FGGY: variants seen among roughly 807,000 people sequenced by gnomAD.
FGGY encodes FGGY carbohydrate kinase domain containing, also known as FGGY carbohydrate kinase domain-containing protein.
In FGGY, 72 loss-of-function variants were observed where a neutral mutation model predicts 71.3. The ratio of observed to expected loss-of-function variants is 1.01; its 90% CI spans 0.84 to 1.23. The LOEUF (loss-of-function observed/expected upper bound fraction) is 1.23. Among genes scored for constraint, FGGY ranks in the 50% most tolerant of loss-of-function variants. The pLI is 0.00. For missense variants in FGGY, 668 were observed against 682.3 expected (o/e 0.98, Z 0.23); for synonymous variants, 251 against 250.3 (o/e 1.00, Z -0.02).
chr1:59,609,134 T>C (rs552633290), intron 9 of FGGY, among the ~76,000 whole-genome samples: 1 of 152,168 alleles, frequency 6.6e-6, no homozygotes, highest in East Asian at 1.9e-4. Flanking sequence ...GAAACTTGTA[T>C]GGGAAAAAAG....
At chr1:59,460,851 T>TAA (rs2092135803) in intron 6 of FGGY, among the ~76,000 whole-genome samples, 1 of 152,180 alleles carries the variant, frequency 6.6e-6, no homozygotes, top group Non-Finnish European at 1.5e-5. Context: ...ACCTGGCTGT[T>TAA]AGAAGGAACT....
chr1:59,430,449 G>A (rs140124152), intron 5 of FGGY, among the ~76,000 whole-genome samples: 10 of 152,248 alleles, frequency 6.6e-5, no homozygotes, highest in Non-Finnish European at 1.5e-4. Context: ...AGACATGAAT[G>A]TCTTTTGCAG....
At chr1:59,694,503 G>C (rs763440626) in intron 14 of FGGY, among the ~76,000 whole-genome samples, 25 of 151,906 alleles carry the variant, frequency 1.6e-4, no homozygotes, top group Non-Finnish European at 2.8e-4. Flanking sequence ...CTGATCCTTG[G>C]CTATGAAGTT....
rs137934650 is a variant in FGGY, at chr1:59,451,380, G to GTTT, written c.555-5573_555-5571dup. Among the ~76,000 whole-genome samples, 186 of 146,626 alleles carry GTTT rather than the reference G, an allele frequency of 1.3e-3. 2 individuals are homozygous for GTTT. Among genetic ancestry groups the GTTT allele is most frequent in the African/African-American group, 4.5e-3 (180 of 40,332 alleles). On this transcript the variant is annotated intron_variant, in intron 5 of 15. Transcript: ENST00000303721. ...TACTAAGTTTTTTTTGTTGTTGTTT[G>GTTT]TTTTTTTTTTGTAGAACAGCAAGCC...
intron 8 of FGGY, among the ~76,000 whole-genome samples, chr1:59,587,629 C>T (rs371963466): frequency 7.2e-5 from 11 of 152,170 alleles, no homozygotes; most frequent in South Asian, 4.1e-4. Context: ...CAGCTGCATT[C>T]GCGGTTCACG....
intron 5 of FGGY, among the ~76,000 whole-genome samples, chr1:59,394,813 G>A (rs1422661224): frequency 1.3e-5 from 2 of 151,964 alleles, no homozygotes; most frequent in Admixed American, 1.3e-4. Flanking sequence ...CAGAAAATTG[G>A]TGATATTTTC....
At chr1:59,376,958 T>G (rs544855210) in intron 4 of FGGY, among the ~76,000 whole-genome samples, 1 of 152,336 alleles carries the variant, frequency 6.6e-6, no homozygotes, top group South Asian at 2.1e-4. Flanking sequence ...TCACCTCCAG[T>G]TCCATTCATA....
At position 59,455,675 on chromosome 1, in the gene FGGY, G is replaced by A. The variant is rs146035667; in HGVS notation, c.555-1286G>A. 2.8e-3 allele frequency among the ~76,000 whole-genome samples: 434 copies of A among 152,340 alleles called. 3 individuals are homozygous for A. The highest frequency in any genetic ancestry group is 0.01 in the African/African-American group (416 of 41,574). On this transcript the variant is annotated intron_variant, in intron 5 of 15. Coordinates refer to ENST00000303721, the MANE Select transcript of FGGY (RefSeq NM_018291.5). ...TATAAGGCAATAAGACTGTAGGGGAGCAATATGAAGAAGCAGTTACTTACC... is the reference window on the plus strand; with the variant it reads ...TATAAGGCAATAAGACTGTAGGGGAACAATATGAAGAAGCAGTTACTTACC...
chr1:59,697,541 G>C (rs1272579715), intron 14 of FGGY: 1 of 530,702 alleles, frequency 1.9e-6, no homozygotes, highest in African/African-American at 2.0e-5. Context: ...CTTCCTTCTT[G>C]GTTGTATTCT....
At chr1:59,587,378 AC>A (rs1046939751) in intron 8 of FGGY, among the ~76,000 whole-genome samples, 2 of 152,084 alleles carry the variant, frequency 1.3e-5, no homozygotes, top group African/African-American at 4.8e-5. Context: ...GAACAGACAA[AC>A]AAAAAGACAG....
chr1:59,302,912 T>C lies in FGGY; in HGVS notation c.-15+5762T>C, dbSNP rs1319576401. Among the ~76,000 whole-genome samples the C allele has an allele frequency of 2.6e-5, 4 of 152,182 alleles. No homozygotes were observed. The East Asian group carries it at 5.8e-4, about 22-fold the overall frequency. On this transcript the variant is annotated intron_variant, in intron 1 of 15. Coordinates refer to ENST00000303721, the MANE Select transcript of FGGY (RefSeq NM_018291.5). ...GCCATCAGGGCCTGGAGTTGTTGTT[T>C]TGGGGGCAGGAGGTTAAATACAAAG...
In FGGY at chr1:59,381,657, GTGTGTGTGTGTGTA is replaced by G. The variant is rs754892087; in HGVS notation, c.554+2822_554+2835del. On this transcript the variant is annotated intron_variant, in intron 5 of 15. Transcript: ENST00000303721. ...TGTGTGTGTGTGTGTGTGTGTGTGT[GTGTGTGTGTGTGTA>G]TATTTTGGCCTCTAATATTAACTAG... 3.8e-4 allele frequency among the ~76,000 whole-genome samples: 50 copies of G among 131,930 alleles called. 1 individual carries two copies. Among genetic ancestry groups the G allele is most frequent in the Non-Finnish European group, 6.9e-4 (41 of 59,316 alleles). The allele number at this position is 131,930 out of a possible 152,430, so 86.6% of individuals were successfully genotyped here.
At chr1:59,629,582 A>G (rs1304566723) in intron 10 of FGGY, among the ~76,000 whole-genome samples, 1 of 152,250 alleles carries the variant, frequency 6.6e-6, no homozygotes, top group Non-Finnish European at 1.5e-5. Context: ...ATTTCGGATC[A>G]TCAATGAACC....
intron 4 of FGGY, among the ~76,000 whole-genome samples, chr1:59,367,089 T>C (rs1275822525): frequency 6.6e-6 from 1 of 152,278 alleles, no homozygotes; most frequent in Non-Finnish European, 1.5e-5. Flanking sequence ...CATGAGGAGA[T>C]GTCGCACCAT....
At chr1:59,353,378 C>A (rs536505611) in intron 4 of FGGY, among the ~76,000 whole-genome samples, 18 of 152,148 alleles carry the variant, frequency 1.2e-4, no homozygotes, top group South Asian at 4.1e-4. Flanking sequence ...TTTCATGGGG[C>A]TGGCCATAAT....
chr1:59,454,310 C>A (rs187830015), intron 5 of FGGY, among the ~76,000 whole-genome samples: 18 of 152,276 alleles, frequency 1.2e-4, no homozygotes, highest in African/African-American at 3.8e-4. Flanking sequence ...AGGGAGCTAT[C>A]GTACCTCCCC....
At chr1:59,424,291 G>A (rs1226557821) in intron 5 of FGGY, among the ~76,000 whole-genome samples, 1 of 152,238 alleles carries the variant, frequency 6.6e-6, no homozygotes, top group East Asian at 1.9e-4. Context: ...GCTCACGCCT[G>A]TAATCCCAGC....
intron 2 of FGGY, among the ~76,000 whole-genome samples, chr1:59,327,054 T>G (rs1432015412): frequency 6.6e-6 from 1 of 152,240 alleles, no homozygotes; most frequent in Non-Finnish European, 1.5e-5. Context: ...TACCTTGATG[T>G]TGATAGCTGC....
rs10666171 is a variant in FGGY at position 59,681,806 on chromosome 1, G to GCACA, written c.1512+7686_1512+7689dup. Among the ~76,000 whole-genome samples, 737 of 149,952 alleles carry GCACA rather than the reference G, an allele frequency of 4.9e-3. 1 individual carries two copies. The highest frequency in any genetic ancestry group is 6.7e-3 in the Non-Finnish European group (453 of 67,318). The stretch of plus-strand genomic sequence containing the variant: ...AATACACACACACACACACACACAT[G>GCACA]CACACACACACACACATACATACTA... On this transcript the variant is annotated intron_variant, in intron 14 of 15. Coordinates refer to ENST00000303721, the MANE Select transcript of FGGY (RefSeq NM_018291.5).
Sources: allele counts gnomAD v4.1 joint callset (sites outside exome capture counted in the v4.1 genomes callset), GRCh38; gene constraint gnomAD v4.1.1; transcripts MANE v1.5; gene names NCBI Gene and HGNC (gene_info 2026-07-23, HGNC 2026-07-21).